TRPV2: variants seen among roughly 807,000 people sequenced by gnomAD.
TRPV2 encodes OTRPC2.
Under a neutral mutation model 91.0 loss-of-function variants are expected in TRPV2, and 58 were observed. The observed-to-expected ratio is 0.64, with a 90% CI of 0.52 to 0.79. The LOEUF is 0.79. TRPV2 is among the 30% of genes least tolerant of loss of function. The pLI is 0.00. For synonymous variants in TRPV2, 417 were observed against 414.8 expected, an observed-to-expected ratio of 1.01 and a Z score of -0.06; for missense variants, 807 against 969.6, an observed-to-expected ratio of 0.83 and a Z score of 2.23.
At position 16,417,644 on chromosome 17, in the gene TRPV2, G is replaced by A. The variant is rs371881034; in HGVS notation, c.-25G>A. ...TCCATCTGCACAGAGGTCCTGGCTG[G>A]ACCGAGCAGCCTCCTCCTCCTAGGA... On this transcript the variant is annotated 5_prime_UTR_variant, in exon 2 of 15. Transcript: ENST00000338560. 1 of 1,612,782 alleles carries A rather than the reference G, an allele frequency of 6.2e-7. No individual in the cohort carries two copies. The highest frequency in any genetic ancestry group is 1.3e-5 in the African/African-American group (1 of 74,894).
chr17:16,425,480 G>T (rs1054174407), intron 5 of TRPV2, among the ~76,000 whole-genome samples: 1 of 152,226 alleles, frequency 6.6e-6, no homozygotes, highest in African/African-American at 2.4e-5. Flanking sequence ...GGCCTCATGG[G>T]CTTACAGTGG....
At chr17:16,433,720 C>T in intron 13 of TRPV2, 22 bp downstream of exon 13, 1 of 1,611,490 alleles carries the variant, frequency 6.2e-7, no homozygotes, top group East Asian at 2.2e-5. Context: ...GTGGGAGGGT[C>T]TCCTGGGGGC....
intron 14 of TRPV2, 115 bp from the exon 15 acceptor site, chr17:16,436,674 T>A (rs1484685873): frequency 1.4e-6 from 1 of 738,372 alleles, no homozygotes; most frequent in Non-Finnish European, 2.4e-6. Flanking sequence ...CCAGGATCGC[T>A]GAGGCTGTCC....
At chr17:16,433,469 T>A (rs1600992047) in intron 12 of TRPV2, 105 bp from the exon 13 acceptor site, 1 of 1,493,290 alleles carries the variant, frequency 6.7e-7, no homozygotes, top group Admixed American at 2.0e-5. Flanking sequence ...CTTCGCGTTA[T>A]ACTGTGAAGT....
chr17:16,430,501 T>TTTTTTTTTTTTTTTTTTTTTTTTTTTTTC, intron 10 of TRPV2, among the ~76,000 whole-genome samples: 1 of 151,810 alleles, frequency 6.6e-6, no homozygotes, highest in South Asian at 2.1e-4. Context: ...TTTTTTTTTT[T>TTTTTTTTTTTTTTTTTTTTTTTTTTTTTC]TTGAGATGGA....
chr17:16,427,252 T>C (rs2093387785), intron 7 of TRPV2, among the ~76,000 whole-genome samples, 197 bp from the exon 8 acceptor site: 1 of 152,050 alleles, frequency 6.6e-6, no homozygotes, highest in African/African-American at 2.4e-5. Flanking sequence ...GGAGTCTGGC[T>C]TCAGACCCTA....
chr17:16,417,333 C>T (rs1408706078), intron 1 of TRPV2, among the ~76,000 whole-genome samples: 2 of 150,984 alleles, frequency 1.3e-5, no homozygotes, highest in East Asian at 1.9e-4. Context: ...TCTTAGCTTC[C>T]GGGTTTAAGC....
intron 10 of TRPV2, 114 bp from the exon 11 acceptor site, chr17:16,431,670 G>A: frequency 1.1e-6 from 1 of 877,276 alleles, no homozygotes; most frequent in Non-Finnish European, 1.9e-6. Flanking sequence ...GCATATGTAT[G>A]TGTGCGTATG....
Position 16,432,129 on chromosome 17 carries a change from C to T in TRPV2, c.1818C>T (p.Gly606=). The T allele has an allele frequency of 6.2e-7, 1 of 1,614,270 alleles. No individual in the cohort carries two copies. Among genetic ancestry groups the T allele is most frequent in the Non-Finnish European group, 8.5e-7 (1 of 1,180,050 alleles). ...ASLELFKFTI[G]MGELAFQEQL... The stretch of plus-strand genomic sequence containing the variant: ...TGGAGCTCTTCAAATTCACCATCGG[C>T]ATGGGCGAGCTGGCCTTCCAGGAGC... The change falls in exon 12 of 15, where the codon GGC becomes GGT. Residue 606 remains glycine, a synonymous_variant. Transcript: ENST00000338560.
intron 5 of TRPV2, among the ~76,000 whole-genome samples, chr17:16,425,149 C>T (rs8073662): frequency 0.012 from 1,840 of 151,762 alleles, 34 homozygotes; most frequent in African/African-American, 0.042. Context: ...CTCAGCCTCC[C>T]GAGTAGCTGG....
rs2093416346 is a variant in TRPV2 at position 16,432,165 on chromosome 17, C to T, written c.1854C>T (p.Phe618=). ...GELAFQEQLH[F]RGMVLLLLLA... is the part of the protein sequence containing the mutation. ...TGGCCTTCCAGGAGCAGCTGCACTT[C>T]CGCGGCATGGTGCTGCTGCTGCTGC... Residue 618 remains phenylalanine (F), a synonymous_variant, in exon 12 of 15, where the codon TTC becomes TTT. Coordinates refer to ENST00000338560, the MANE Select transcript of TRPV2 (RefSeq NM_016113.5). 1 of 1,614,278 alleles carries T rather than the reference C, an allele frequency of 6.2e-7. No homozygotes were observed. The highest frequency in any genetic ancestry group is 8.5e-7 in the Non-Finnish European group (1 of 1,180,052).
At chr17:16,425,960 T>G in intron 5 of TRPV2, 139 bp from the exon 6 acceptor site, 2 of 850,922 alleles carry the variant, frequency 2.4e-6, no homozygotes, top group Non-Finnish European at 3.7e-6. Flanking sequence ...AGGACCTGCG[T>G]GTATGGGGGT....
chr17:16,422,916 G>A (rs757185412), intron 4 of TRPV2, 27 bp downstream of exon 4: 15 of 1,546,174 alleles, frequency 9.7e-6, no homozygotes, highest in African/African-American at 1.4e-5. Context: ...TGGATAAATC[G>A]AGGCAAAGAG....
chr17:16,421,124 G>A (rs57018708), intron 3 of TRPV2, among the ~76,000 whole-genome samples: 1 of 151,936 alleles, frequency 6.6e-6, no homozygotes, highest in Non-Finnish European at 1.5e-5. Flanking sequence ...CTTACTTATC[G>A]ATGGCCATTT....
Position 16,426,391 on chromosome 17 carries a change from G to A in TRPV2, c.1095+122G>A. Reference sequence around the variant, plus strand: ...TTCCTGTGCCAGTGGGGGTGTGGCTGCATGTCCCAGCAGGCACGACCCTGA... The same window carrying A: ...TTCCTGTGCCAGTGGGGGTGTGGCTACATGTCCCAGCAGGCACGACCCTGA... On this transcript the variant is annotated intron_variant, in intron 6 of 14. Coordinates refer to ENST00000338560, the MANE Select transcript of TRPV2 (RefSeq NM_016113.5). The surrounding 1 kb of genome is among the most constrained non-coding windows in gnomAD (Gnocchi z 6.0). 1 of 1,242,354 alleles carries A rather than the reference G, an allele frequency of 8.0e-7. No individual in the cohort carries two copies. The highest frequency in any genetic ancestry group is 1.4e-5 in the South Asian group (1 of 69,018). 77.0% of individuals were successfully genotyped at this position (1,242,354 alleles called of 1,614,324 possible).
In TRPV2 at chr17:16,431,844, G is replaced by T; in HGVS notation, c.1648G>T (p.Ala550Ser). Residue 550 changes from alanine (A) to serine (S), a missense_variant, in exon 11 of 15, where the codon GCT (alanine) becomes TCT (serine). Coordinates refer to ENST00000338560, the MANE Select transcript of TRPV2 (RefSeq NM_016113.5). ...LIYLVFLFGFAVALVSLSQEA... is the reference protein window; with the variant it reads ...LIYLVFLFGFSVALVSLSQEA... ...CTACTTAGTCTTCCTTTTCGGCTTC[G>T]CTGTAGGTAAAGGCTCCCTCCGGCC... 6.2e-7 allele frequency: 1 copy of T among 1,614,052 alleles called. No individual in the cohort carries two copies. The highest frequency in any genetic ancestry group is 1.1e-5 in the South Asian group (1 of 91,080).
At chr17:16,432,360 T>C in intron 12 of TRPV2, 60 bp downstream of exon 12, 3 of 1,500,186 alleles carry the variant, frequency 2.0e-6, no homozygotes, top group Non-Finnish European at 2.7e-6. Context: ...TGGGGAGTGC[T>C]CCGGACCCTG....
chr17:16,420,242 T>TAGA lies in TRPV2; in HGVS notation c.329_330insGAA (p.Tyr110delinsTer). 1 of 1,613,620 alleles carries TAGA rather than the reference T, an allele frequency of 6.2e-7. No homozygotes were observed. The highest frequency in any genetic ancestry group is 8.5e-7 in the Non-Finnish European group (1 of 1,179,582). ...CAGCAAGTACCTCACCGACTCGGAA[T>TAGA]ACACAGGTAGACCCTGCCCTGTGGA... On this transcript the variant is annotated stop_gained, in exon 3 of 15. Coordinates refer to ENST00000338560, the MANE Select transcript of TRPV2 (RefSeq NM_016113.5). LOFTEE classifies it high-confidence loss of function.
intron 14 of TRPV2, among the ~76,000 whole-genome samples, chr17:16,436,107 A>T (rs925304278): frequency 6.6e-6 from 1 of 150,954 alleles, no homozygotes; most frequent in African/African-American, 2.4e-5. Context: ...CCGCTATACC[A>T]GCTCTCCCAC....
Sources: allele counts gnomAD v4.1 joint callset (sites outside exome capture counted in the v4.1 genomes callset), GRCh38; gene constraint gnomAD v4.1.1; non-coding constraint Gnocchi (gnomAD v3.1); transcripts MANE v1.5; gene names NCBI Gene and HGNC (gene_info 2026-07-23, HGNC 2026-07-21).